Variants in HDHD5 observed in about 807,000 individuals in gnomAD.
HDHD5 encodes the protein haloacid dehalogenase-like hydrolase domain-containing 5.
A neutral mutation model predicts 35.5 loss-of-function variants in HDHD5; 34 were observed. The observed-to-expected ratio is 0.96, with a 90% CI of 0.73 to 1.28. HDHD5 has a LOEUF of 1.28. HDHD5 is among the 50% of genes most tolerant of loss of function. The probability of loss-of-function intolerance (pLI) is 0.00; values close to 1 mark genes in which losing one functional copy is unlikely to be tolerated. For synonymous variants in HDHD5, 248 were observed against 240.6 expected (o/e 1.03, Z -0.29); for missense variants, 589 against 560.2 (o/e 1.05, Z -0.52).
Position 17,138,046 on chromosome 22 carries a change from C to A in HDHD5, c.1247G>T (p.Arg416Leu). The A allele has an allele frequency of 1.2e-6, 2 of 1,613,110 alleles. No individual in the cohort carries two copies. The highest frequency in any genetic ancestry group is 1.3e-5 in the African/African-American group (1 of 75,014). ...TCACTCCAAAGCCCAGCCCTCCTTG[C>A]GGAAGACCAGCTGCACAGCCTCATT... is the stretch of plus-strand genomic sequence containing the variant. ...DVNEAVQLVF[R>L]KEGWALE is the part of the protein sequence containing the mutation. The change falls in exon 8 of 8, where the codon CGC becomes CTC. Residue 416 changes from arginine to leucine, a missense_variant. Transcript: ENST00000336737.
upstream of HDHD5, among the ~76,000 whole-genome samples, chr22:17,161,940 T>C (rs563748933): frequency 6.6e-6 from 1 of 151,826 alleles, no homozygotes; most frequent in South Asian, 2.1e-4. Flanking sequence ...GAGTGTGGGC[T>C]GGACTTCACT....
At chr22:17,141,316 T>C (rs2061599280) in intron 5 of HDHD5, 83 bp from the exon 6 acceptor site, 3 of 1,493,336 alleles carry the variant, frequency 2.0e-6, no homozygotes, top group Non-Finnish European at 2.6e-6. Flanking sequence ...GGGCTACCCA[T>C]CCACAAGCCC....
upstream of HDHD5, among the ~76,000 whole-genome samples, chr22:17,162,568 T>G (rs563590526): frequency 2.0e-5 from 3 of 152,332 alleles, no homozygotes; most frequent in Admixed American, 6.5e-5. Flanking sequence ...TGGTTTGGTT[T>G]GTTTGTCTGT....
chr22:17,159,376 G>C (rs1422747546), upstream of HDHD5: 2 of 1,127,036 alleles, frequency 1.8e-6, no homozygotes, highest in Admixed American at 2.5e-5. Context: ...TAAGCGCGCG[G>C]AGCCCGTCGG....
In HDHD5 at chr22:17,145,089, C is replaced by G. The variant is rs140387564; in HGVS notation, c.472G>C (p.Asp158His). ...GLGFRNVVTV[D>H]ELRMAFPLLD... is the part of the protein sequence containing the mutation. Reference sequence around the variant, plus strand: ...AGAGGAAAGGCCATCCGCAGCTCATCCACGGTGACGACATTTCGGAAGCCC... The same window carrying G: ...AGAGGAAAGGCCATCCGCAGCTCATGCACGGTGACGACATTTCGGAAGCCC... The change falls in exon 4 of 8, where the codon GAT becomes CAT. Residue 158 changes from aspartate (D) to histidine (H), a missense_variant. By Grantham distance (81) the Asp-to-His change is moderately conservative. Coordinates refer to ENST00000336737, the MANE Select transcript of HDHD5 (RefSeq NM_033070.3). 5.6e-6 allele frequency: 9 copies of G among 1,614,046 alleles called. No homozygotes were observed. Among genetic ancestry groups the G allele is most frequent in the Non-Finnish European group, 7.6e-6 (9 of 1,180,024 alleles).
Position 17,137,854 on chromosome 22 carries a change from G to A in HDHD5, c.*167C>T. 1.7e-6 allele frequency: 1 copy of A among 605,732 alleles called. No homozygotes were observed. Among genetic ancestry groups the A allele is most frequent in the Non-Finnish European group, 2.9e-6 (1 of 345,638 alleles). The allele number at this position is 605,732 out of a possible 1,614,324, so 37.5% of individuals were successfully genotyped here. On this transcript the variant is annotated 3_prime_UTR_variant, in exon 8 of 8. Coordinates refer to ENST00000336737, the MANE Select transcript of HDHD5 (RefSeq NM_033070.3). ...CAAAATGCTACCCAGCAGGGAAAAA[G>A]AGTCACTGTCTTCTTCCAAGTGACC... is the stretch of plus-strand genomic sequence containing the variant.
intron 5 of HDHD5, 79 bp downstream of exon 5, chr22:17,143,019 A>G: frequency 6.7e-7 from 1 of 1,492,546 alleles, no homozygotes; most frequent in Non-Finnish European, 9.2e-7. Context: ...GGCTGCAGGC[A>G]GTCACACTGA....
intron 1 of HDHD5, chr22:17,158,481 C>T (rs187241889): frequency 6.6e-6 from 1 of 152,368 alleles, no homozygotes; most frequent in Admixed American, 6.5e-5. Context: ...TGTGCCGTCT[C>T]CCAGCTGCAG....
chr22:17,138,347 T>C lies in HDHD5; in HGVS notation c.946A>G (p.Met316Val), dbSNP rs369216247. ...AGGTTGGCGCCGTATACGTCAGACA[T>C]AGGGTTATCACTGGCAGGGGCAGCC... ...RKLYAVGDNP[M>V]SDVYGANLFH... The change falls in exon 8 of 8, where the codon ATG becomes GTG. Residue 316 changes from methionine to valine, a missense_variant. Met to Val is a conservative substitution (Grantham distance 21). Transcript: ENST00000336737. 15 of 1,610,794 alleles carry C rather than the reference T, an allele frequency of 9.3e-6. No homozygotes were observed. The highest frequency in any genetic ancestry group is 8.4e-5 in the Admixed American group (5 of 59,504).
chr22:17,164,786 T>G (rs1169745554), intron 1 of HDHD5, among the ~76,000 whole-genome samples: 1 of 152,142 alleles, frequency 6.6e-6, no homozygotes, highest in Admixed American at 6.5e-5. Flanking sequence ...CTTTTCCACA[T>G]GAGAAGGAAT....
At chr22:17,155,435 C>T (rs2061778742) in intron 1 of HDHD5, among the ~76,000 whole-genome samples, 1 of 151,914 alleles carries the variant, frequency 6.6e-6, no homozygotes, top group African/African-American at 2.4e-5. Context: ...TTAGTAGAGA[C>T]GGGGTTTCAC....
chr22:17,162,627 T>C (rs1442469839), upstream of HDHD5, among the ~76,000 whole-genome samples: 2 of 152,228 alleles, frequency 1.3e-5, no homozygotes, highest in African/African-American at 2.4e-5. Flanking sequence ...GATTCCAACA[T>C]GATTATTGAA....
intron 3 of HDHD5, among the ~76,000 whole-genome samples, chr22:17,147,853 G>A (rs2061683095): frequency 6.6e-6 from 1 of 152,226 alleles, no homozygotes; most frequent in South Asian, 2.1e-4. Context: ...TGCTCATGGT[G>A]TTATTCTTGC....
chr22:17,138,202 C>T lies in HDHD5; in HGVS notation c.1091G>A (p.Gly364Asp). 6.2e-7 allele frequency: 1 copy of T among 1,614,170 alleles called. No individual in the cohort carries two copies. Among genetic ancestry groups the T allele is most frequent in the Non-Finnish European group, 8.5e-7 (1 of 1,180,034 alleles). Residue 364 changes from glycine (G) to aspartate (D), a missense_variant, in exon 8 of 8, where the codon GGC (glycine) becomes GAC (aspartate). Physicochemically the swap from Gly to Asp is moderately conservative, Grantham distance 94 (BLOSUM62 -1). Coordinates refer to ENST00000336737, the MANE Select transcript of HDHD5 (RefSeq NM_033070.3). Reference sequence around the variant, plus strand: ...CTGTGGGTTCCTGGGATTGTAGACGCCTGTACACACCAGGATGGAGATGCA... The same window carrying T: ...CTGTGGGTTCCTGGGATTGTAGACGTCTGTACACACCAGGATGGAGATGCA... ...QSCISILVCT[G>D]VYNPRNPQST...
intron 6 of HDHD5, 92 bp downstream of exon 6, chr22:17,140,967 G>A (rs757673215): frequency 6.6e-6 from 8 of 1,217,824 alleles, no homozygotes; most frequent in African/African-American, 3.2e-5. Context: ...GGCACCTGGG[G>A]TGTCAGGACG....
intron 1 of HDHD5, among the ~76,000 whole-genome samples, chr22:17,156,320 A>G (rs5994184): frequency 6.6e-6 from 1 of 151,978 alleles, no homozygotes; most frequent in Non-Finnish European, 1.5e-5. Context: ...AAAAAAAAAA[A>G]TTTTTTTTAA....
In HDHD5 at chr22:17,159,184, G is replaced by A; in HGVS notation, c.68C>T (p.Ala23Val). ...GGGGCGGCCCTGGAGCCCCGCAGCC[G>A]CGCGCGCCGCCCGCCAGCAAAGCCC... ...ARGLCWRAAR[A>V]AAGLQGRPAR... Residue 23 changes from alanine to valine, a missense_variant, in exon 1 of 8, where the codon GCG becomes GTG. Ala to Val is a moderately conservative substitution (Grantham distance 64). Coordinates refer to ENST00000336737, the MANE Select transcript of HDHD5 (RefSeq NM_033070.3). The A allele has an allele frequency of 1.6e-6, 2 of 1,213,866 alleles. No individual in the cohort carries two copies. Among genetic ancestry groups the A allele is most frequent in the South Asian group, 4.1e-5 (1 of 24,176 alleles). 75.2% of individuals were successfully genotyped at this position (1,213,866 alleles called of 1,614,324 possible).
chr22:17,137,954 C>A lies in HDHD5; in HGVS notation c.*67G>T. 1 of 1,395,074 alleles carries A rather than the reference C, an allele frequency of 7.2e-7. No individual in the cohort carries two copies. 86.4% of individuals were successfully genotyped at this position (1,395,074 alleles called of 1,614,324 possible). A position where few individuals can be genotyped will look rare whatever the true frequency, so the allele number is the denominator to read the frequency against. On this transcript the variant is annotated 3_prime_UTR_variant, in exon 8 of 8. Coordinates refer to ENST00000336737, the MANE Select transcript of HDHD5 (RefSeq NM_033070.3). ...CCCTGACCTGAGCCCAGTGATCAGG[C>A]CAGAGCCCAGCCAATGGGACTCGCC...
chr22:17,155,333 C>T (rs2061777345), intron 1 of HDHD5, among the ~76,000 whole-genome samples: 1 of 151,402 alleles, frequency 6.6e-6, no homozygotes. Flanking sequence ...ACAACCTCTG[C>T]CTCCTGGGTT....
Sources: gnomAD v4.1 joint callset for allele counts (sites outside exome capture counted in the v4.1 genomes callset) on GRCh38, gnomAD v4.1.1 for gene constraint, MANE v1.5 for transcripts, NCBI Gene and HGNC (gene_info 2026-07-23, HGNC 2026-07-21) for gene names.